PRKD3: variants seen among roughly 807,000 people sequenced by gnomAD.
The protein encoded by PRKD3 is serine/threonine-protein kinase D3.
A neutral mutation model predicts 99.2 loss-of-function variants in PRKD3; 47 were observed. The ratio of observed to expected loss-of-function variants is 0.47; its 90% CI spans 0.38 to 0.60. PRKD3 has a LOEUF of 0.60. Among genes scored for constraint, PRKD3 ranks in the 20% least tolerant of loss-of-function variants. The probability of loss-of-function intolerance (pLI) is 0.00; values close to 1 mark genes in which losing one functional copy is unlikely to be tolerated. For synonymous variants in PRKD3, 392 were observed against 355.4 expected, an observed-to-expected ratio of 1.10 and a Z score of -1.16; for missense variants, 1,019 against 1,088.4, an observed-to-expected ratio of 0.94 and a Z score of 0.90.
At chr2:37,262,900 C>G (rs559945781) in intron 14 of PRKD3, among the ~76,000 whole-genome samples, 4 of 147,490 alleles carry the variant, frequency 2.7e-5, no homozygotes, top group African/African-American at 7.5e-5. Context: ...TTCCTTCCCC[C>G]CCCCGTATTT....
At chr2:37,318,318 T>C (rs1004235001) in intron 1 of PRKD3, among the ~76,000 whole-genome samples, 4 of 152,246 alleles carry the variant, frequency 2.6e-5, no homozygotes, top group African/African-American at 4.8e-5. Context: ...CAACACTTGA[T>C]AGTTTACAAA....
intron 1 of PRKD3, among the ~76,000 whole-genome samples, chr2:37,318,563 T>C (rs939860555): frequency 6.6e-6 from 1 of 152,220 alleles, no homozygotes; most frequent in Admixed American, 6.5e-5. Context: ...GCTCAGAGGA[T>C]GTTGCTAAGG....
intron 1 of PRKD3, among the ~76,000 whole-genome samples, chr2:37,323,316 T>C (rs1379392556): frequency 6.6e-6 from 1 of 151,396 alleles, no homozygotes; most frequent in Non-Finnish European, 1.5e-5. Flanking sequence ...CACCCTGAAA[T>C]GTGAAATGCT....
intron 14 of PRKD3, 59 bp downstream of exon 14, chr2:37,267,371 G>A: frequency 9.1e-7 from 1 of 1,103,382 alleles, no homozygotes; most frequent in Admixed American, 2.3e-5. Context: ...AAGAGAAGCA[G>A]TTAATTCAGA....
intron 7 of PRKD3, among the ~76,000 whole-genome samples, chr2:37,280,404 A>C (rs1310047936): frequency 6.6e-6 from 1 of 152,236 alleles, no homozygotes; most frequent in Non-Finnish European, 1.5e-5. Context: ...CACAAAGTTA[A>C]TTAATTTGAT....
At chr2:37,310,876 C>G (rs1298189458) in intron 2 of PRKD3, among the ~76,000 whole-genome samples, 1 of 152,188 alleles carries the variant, frequency 6.6e-6, no homozygotes, top group Non-Finnish European at 1.5e-5. Context: ...TATACATAAG[C>G]AATCACATAT....
At chr2:37,260,417 T>TTG (rs1668328212) in intron 14 of PRKD3, 33 bp from the exon 15 acceptor site, 1 of 1,568,486 alleles carries the variant, frequency 6.4e-7, no homozygotes, top group African/African-American at 1.4e-5. Context: ...ATGAGCAACT[T>TTG]AAGCAGAGAA....
intron 1 of PRKD3, among the ~76,000 whole-genome samples, chr2:37,317,433 A>T (rs1671713014): frequency 6.6e-6 from 1 of 151,472 alleles, no homozygotes; most frequent in Admixed American, 6.6e-5. Flanking sequence ...AACATTTTTT[A>T]AAATTTACCT....
chr2:37,291,921 T>C (rs762562469), intron 3 of PRKD3, among the ~76,000 whole-genome samples: 1 of 152,206 alleles, frequency 6.6e-6, no homozygotes, highest in Non-Finnish European at 1.5e-5. Flanking sequence ...TATGGCATTC[T>C]TTCTTCCTTT....
At chr2:37,295,200 T>C (rs1670622585) in intron 2 of PRKD3, among the ~76,000 whole-genome samples, 1 of 152,186 alleles carries the variant, frequency 6.6e-6, no homozygotes. Flanking sequence ...AAAGACAGAA[T>C]AGTCCTTATC....
chr2:37,301,553 C>A (rs1670933066), intron 2 of PRKD3, among the ~76,000 whole-genome samples: 1 of 151,992 alleles, frequency 6.6e-6, no homozygotes, highest in African/African-American at 2.4e-5. Flanking sequence ...TTAGCCTCAG[C>A]CTCCCAAAGT....
intron 2 of PRKD3, among the ~76,000 whole-genome samples, chr2:37,302,986 A>G (rs1423931898): frequency 6.6e-6 from 1 of 151,966 alleles, no homozygotes; most frequent in Non-Finnish European, 1.5e-5. Context: ...CTTTTTACCA[A>G]TCGAATGTTG....
chr2:37,284,104 A>G (rs2148561108), intron 6 of PRKD3, among the ~76,000 whole-genome samples: 5 of 152,322 alleles, frequency 3.3e-5, no homozygotes, highest in Admixed American at 3.3e-4. Context: ...AGACAAACAG[A>G]TTAATGAATT....
intron 2 of PRKD3, among the ~76,000 whole-genome samples, chr2:37,306,043 ACT>A (rs1394302783): frequency 1.3e-5 from 2 of 148,606 alleles, no homozygotes; most frequent in African/African-American, 5.0e-5. Flanking sequence ...GGCATAATAT[ACT>A]CTGTTATCTC....
intron 14 of PRKD3, among the ~76,000 whole-genome samples, chr2:37,266,027 C>T (rs76485180): frequency 6.6e-6 from 1 of 152,192 alleles, no homozygotes; most frequent in Non-Finnish European, 1.5e-5. Context: ...CGCAAAAATA[C>T]CTGACAACAT....
chr2:37,278,153 C>A, intron 8 of PRKD3, 164 bp from the exon 9 acceptor site: 1 of 414,980 alleles, frequency 2.4e-6, no homozygotes, highest in Non-Finnish European at 4.1e-6. Flanking sequence ...TATGATGATA[C>A]ATAAAAGATT....
At chr2:37,268,873 CTG>C (rs1213822121) in intron 13 of PRKD3, 3 of 153,726 alleles carry the variant, frequency 2.0e-5, no homozygotes, top group African/African-American at 7.2e-5. Flanking sequence ...CTGTAGATGA[CTG>C]TGAACCACTT....
rs897075860 is a variant in PRKD3 at position 37,251,816 on chromosome 2, A to G, written c.*1361T>C. The G allele has an allele frequency of 2.6e-5, 4 of 152,058 alleles. No homozygotes were observed. The highest frequency in any genetic ancestry group is 5.9e-5 in the Non-Finnish European group (4 of 67,996). 9.4% of individuals were successfully genotyped at this position (152,058 alleles called of 1,614,324 possible). On this transcript the variant is annotated 3_prime_UTR_variant, in exon 19 of 19. Coordinates refer to ENST00000234179, the MANE Select transcript of PRKD3 (RefSeq NM_005813.6). The stretch of plus-strand genomic sequence containing the variant: ...CCATCTGTCCAGGCCAACATAACTA[A>G]CAAGTAGTGGAGTCCAAGACCTCAG...
chr2:37,280,722 C>T (rs979987572), intron 7 of PRKD3, among the ~76,000 whole-genome samples: 2 of 151,940 alleles, frequency 1.3e-5, no homozygotes, highest in Non-Finnish European at 2.9e-5. Context: ...TCTTAATACA[C>T]CAAAAAGATA....
Sources: allele counts gnomAD v4.1 joint callset (sites outside exome capture counted in the v4.1 genomes callset), GRCh38; gene constraint gnomAD v4.1.1; transcripts MANE v1.5; gene names NCBI Gene and HGNC (gene_info 2026-07-23, HGNC 2026-07-21).